The following PTPDC1 variants were observed in gnomAD, a reference collection of about 807,000 sequenced individuals.
The protein encoded by PTPDC1 is protein tyrosine phosphatase domain-containing protein 1.
In PTPDC1, 53 loss-of-function variants were observed where a neutral mutation model predicts 75.3. The observed-to-expected ratio is 0.70, with a 90% CI of 0.56 to 0.88. The LOEUF (loss-of-function observed/expected upper bound fraction) is 0.88. Among genes scored for constraint, PTPDC1 ranks in the 40% least tolerant of loss-of-function variants. The pLI is 0.00. For missense variants in PTPDC1, 925 were observed against 998.6 expected (o/e 0.93, Z 0.99); for synonymous variants, 349 against 366.2 (o/e 0.95, Z 0.54).
At chr9:94,081,904 CAA>C (rs1214643002), upstream of PTPDC1, among the ~76,000 whole-genome samples, 2 of 152,298 alleles carry the variant, frequency 1.3e-5, no homozygotes, top group African/African-American at 4.8e-5. Context: ...TCTTTCAAGA[CAA>C]AGAGAAGCTT....
intron 2 of PTPDC1, among the ~76,000 whole-genome samples, chr9:94,071,580 A>G (rs1826512981): frequency 1.3e-5 from 2 of 152,220 alleles, no homozygotes; most frequent in Non-Finnish European, 2.9e-5. Context: ...CCCTGAAGCT[A>G]TGTGAATGTG....
intron 1 of PTPDC1, among the ~76,000 whole-genome samples, chr9:94,041,081 TA>T (rs1224559436): frequency 6.6e-6 from 1 of 152,196 alleles, no homozygotes; most frequent in African/African-American, 2.4e-5. Context: ...CTTCATTCTA[TA>T]TGCCTTTTTT....
intron 6 of PTPDC1, chr9:94,101,340 G>A: frequency 5.0e-6 from 2 of 397,824 alleles, no homozygotes; most frequent in Non-Finnish European, 8.9e-6. Context: ...TGTGAAGCAG[G>A]GGATGAGTTT....
chr9:94,054,107 T>C (rs1039316094), intron 1 of PTPDC1, among the ~76,000 whole-genome samples: 1 of 152,212 alleles, frequency 6.6e-6, no homozygotes, highest in Non-Finnish European at 1.5e-5. Flanking sequence ...ATCTATTCCC[T>C]CATGGAGCTT....
At chr9:94,038,113 G>A in intron 1 of PTPDC1, 1 of 571,366 alleles carries the variant, frequency 1.8e-6, no homozygotes. Context: ...GCAAGCATAA[G>A]ACTGAGCATA....
At chr9:94,039,486 G>GA (rs1027877224) in intron 1 of PTPDC1, among the ~76,000 whole-genome samples, 4 of 152,128 alleles carry the variant, frequency 2.6e-5, no homozygotes, top group Admixed American at 2.0e-4. Context: ...CATTGACTAT[G>GA]AAAATGTAGA....
chr9:94,091,872 G>A (rs540860288), intron 4 of PTPDC1, among the ~76,000 whole-genome samples: 6,826 of 152,130 alleles, frequency 0.045, 520 homozygotes, highest in African/African-American at 0.16. Flanking sequence ...TATTTGCATA[G>A]AGGTGTTTGT....
chr9:94,095,240 T>TCA, intron 4 of PTPDC1, 77 bp from the exon 5 acceptor site: 3 of 1,109,772 alleles, frequency 2.7e-6, no homozygotes, highest in South Asian at 1.4e-5. Context: ...AGTGTAGATC[T>TCA]GTGTACTTTT....
At chr9:94,049,564 A>G (rs1232609849) in intron 1 of PTPDC1, among the ~76,000 whole-genome samples, 1 of 152,164 alleles carries the variant, frequency 6.6e-6, no homozygotes, top group Non-Finnish European at 1.5e-5. Flanking sequence ...TGGCTTGTAG[A>G]GTTTCTGCCG....
chr9:94,088,449 G>A (rs987430254), intron 4 of PTPDC1, among the ~76,000 whole-genome samples, 186 bp downstream of exon 4: 2 of 152,184 alleles, frequency 1.3e-5, no homozygotes, highest in African/African-American at 4.8e-5. Context: ...CTTTGTTCCT[G>A]TAAGAGGGAT....
intron 1 of PTPDC1, among the ~76,000 whole-genome samples, chr9:94,048,958 A>C (rs4514041): frequency 0.31 from 46,590 of 151,890 alleles, 7,386 homozygotes; most frequent in Admixed American, 0.39. Context: ...ACCATTATGT[A>C]ATGGCCTTCT....
chr9:94,064,739 C>A, exon 2 of PTPDC1: 1 of 1,611,636 alleles, frequency 6.2e-7, no homozygotes, highest in Non-Finnish European at 8.5e-7. Flanking sequence ...AACAGACTAC[C>A]ATGGCTGCAG....
chr9:94,051,793 C>G (rs889061798), intron 1 of PTPDC1, among the ~76,000 whole-genome samples: 1 of 152,072 alleles, frequency 6.6e-6, no homozygotes, highest in Non-Finnish European at 1.5e-5. Flanking sequence ...TTTTTGCTGT[C>G]CATGGGATTA....
upstream of PTPDC1, among the ~76,000 whole-genome samples, chr9:94,082,273 C>T (rs188116181): frequency 4.1e-4 from 63 of 152,336 alleles, no homozygotes; most frequent in African/African-American, 1.5e-3. Context: ...CTTAAGAATG[C>T]GGATAGGTGG....
At chr9:94,055,697 A>T (rs1825911125) in intron 1 of PTPDC1, among the ~76,000 whole-genome samples, 1 of 152,166 alleles carries the variant, frequency 6.6e-6, no homozygotes, top group Admixed American at 6.5e-5. Flanking sequence ...GCACATGTAT[A>T]CCTATCTATC....
chr9:94,047,953 G>GT (rs1211613137), intron 1 of PTPDC1, among the ~76,000 whole-genome samples: 2 of 152,184 alleles, frequency 1.3e-5, no homozygotes, highest in African/African-American at 4.8e-5. Context: ...AAAAGTCCAG[G>GT]AGCAGATGGA....
At chr9:94,074,979 G>A (rs749361120) in intron 2 of PTPDC1, among the ~76,000 whole-genome samples, 9 of 152,160 alleles carry the variant, frequency 5.9e-5, no homozygotes, top group East Asian at 1.9e-4. Flanking sequence ...TCCCACTTAC[G>A]TAGAGGCAGG....
At chr9:94,047,794 A>G (rs556559609) in intron 1 of PTPDC1, among the ~76,000 whole-genome samples, 1 of 152,348 alleles carries the variant, frequency 6.6e-6, no homozygotes, top group South Asian at 2.1e-4. Context: ...AAACACCTCT[A>G]TGCAAATAAA....
At chr9:94,058,228 C>G (rs1472772851) in intron 1 of PTPDC1, among the ~76,000 whole-genome samples, 1 of 152,078 alleles carries the variant, frequency 6.6e-6, no homozygotes, top group African/African-American at 2.4e-5. Flanking sequence ...AGAGGGCCCT[C>G]AAGGCTTTGC....
Sources: allele counts gnomAD v4.1 joint callset (sites outside exome capture counted in the v4.1 genomes callset), GRCh38; gene constraint gnomAD v4.1.1; transcripts MANE v1.5; gene names NCBI Gene and HGNC (gene_info 2026-07-23, HGNC 2026-07-21).